The following PRIMA1 variants were observed in gnomAD, a reference collection of about 807,000 sequenced individuals.
PRIMA1 encodes proline rich membrane anchor 1.
Under a neutral mutation model 17.5 loss-of-function variants are expected in PRIMA1, and 7 were observed. That is an observed-to-expected ratio of 0.40 (90% CI 0.23 to 0.75). The LOEUF is 0.75. Among genes scored for constraint, PRIMA1 ranks in the 30% least tolerant of loss-of-function variants. The pLI is 0.37. For missense variants in PRIMA1, 200 were observed against 201.8 expected (o/e 0.99, Z 0.05); for synonymous variants, 97 against 77.9 (o/e 1.25, Z -1.29).
chr14:93,733,126 A>G (rs1191332106), intron 4 of PRIMA1, among the ~76,000 whole-genome samples: 2 of 152,190 alleles, frequency 1.3e-5, no homozygotes, highest in Non-Finnish European at 2.9e-5. Context: ...GGTCATTGAC[A>G]GCAGACTTGG....
At chr14:93,749,216 G>A (rs1362140985) in intron 3 of PRIMA1, among the ~76,000 whole-genome samples, 3 of 152,270 alleles carry the variant, frequency 2.0e-5, no homozygotes, top group Non-Finnish European at 2.9e-5. Context: ...CAGAAGGTCC[G>A]CATACTTGCC....
chr14:93,758,281 G>T (rs2076304663), intron 3 of PRIMA1, among the ~76,000 whole-genome samples: 1 of 152,060 alleles, frequency 6.6e-6, no homozygotes, highest in African/African-American at 2.4e-5. Flanking sequence ...TGACAAAAAA[G>T]TTCCAGTGAA....
At chr14:93,772,961 C>T (rs1221242398) in intron 3 of PRIMA1, among the ~76,000 whole-genome samples, 1 of 152,168 alleles carries the variant, frequency 6.6e-6, no homozygotes, top group Non-Finnish European at 1.5e-5. Flanking sequence ...GGGTTCCAGG[C>T]TCTGTGCTGT....
At chr14:93,755,973 G>A (rs1205041017) in intron 3 of PRIMA1, among the ~76,000 whole-genome samples, 2 of 152,136 alleles carry the variant, frequency 1.3e-5, no homozygotes, top group East Asian at 3.8e-4. Flanking sequence ...TCTCCCACAC[G>A]CAGCTGCCTC....
chr14:93,747,810 T>C (rs2076230721), intron 3 of PRIMA1, among the ~76,000 whole-genome samples: 1 of 142,860 alleles, frequency 7.0e-6, no homozygotes, highest in African/African-American at 2.7e-5. Flanking sequence ...GGGGACTGAG[T>C]GTGTGGGAGT....
intron 3 of PRIMA1, among the ~76,000 whole-genome samples, chr14:93,754,242 C>T (rs192675251): frequency 1.1e-4 from 17 of 152,278 alleles, no homozygotes; most frequent in African/African-American, 4.1e-4. Flanking sequence ...TGAGAACAAG[C>T]TCAACGAAGA....
At chr14:93,725,293 G>A (rs984396821) in intron 4 of PRIMA1, among the ~76,000 whole-genome samples, 5 of 152,126 alleles carry the variant, frequency 3.3e-5, no homozygotes, top group Admixed American at 1.3e-4. Context: ...GGTGGCAGCC[G>A]AGGGCTCTCC....
chr14:93,757,487 A>G (rs945439665), intron 3 of PRIMA1, among the ~76,000 whole-genome samples: 1 of 152,154 alleles, frequency 6.6e-6, no homozygotes, highest in Non-Finnish European at 1.5e-5. Flanking sequence ...AAGGACCAGA[A>G]TGTTCTCAGA....
In PRIMA1 at chr14:93,786,533, C is replaced by G. The variant is rs191155282; in HGVS notation, c.93+1093G>C. Among the ~76,000 whole-genome samples, 492 of 152,158 alleles carry G rather than the reference C, an allele frequency of 3.2e-3. 10 individuals carry two copies. Among genetic ancestry groups the G allele is most frequent in the Admixed American group, 0.032 (483 of 15,294 alleles). On this transcript the variant is annotated intron_variant, in intron 2 of 4. Transcript: ENST00000393140. The stretch of plus-strand genomic sequence containing the variant: ...CTGGCAAGTGGTCTTGCCCGCATCC[C>G]TTTTTTTCCTGGTCTGTCACCCCTA...
At chr14:93,747,491 T>C (rs2076226199) in intron 3 of PRIMA1, among the ~76,000 whole-genome samples, 1 of 151,984 alleles carries the variant, frequency 6.6e-6, no homozygotes, top group Non-Finnish European at 1.5e-5. Context: ...CGTGGAGCCA[T>C]ATCTGGGGGG....
At chr14:93,763,224 C>G (rs538523250) in intron 3 of PRIMA1, among the ~76,000 whole-genome samples, 1 of 152,210 alleles carries the variant, frequency 6.6e-6, no homozygotes, top group Non-Finnish European at 1.5e-5. Context: ...TCTGCCCCCC[C>G]AGCATTGCCC....
chr14:93,731,280 A>T (rs1337255009), intron 4 of PRIMA1, among the ~76,000 whole-genome samples: 1 of 152,200 alleles, frequency 6.6e-6, no homozygotes, highest in African/African-American at 2.4e-5. Flanking sequence ...GAAAGTAAAT[A>T]GATGGTGCTT....
chr14:93,787,833 T>C lies in PRIMA1; in HGVS notation c.-31-84A>G, dbSNP rs1885570816. 4.1e-6 allele frequency: 6 copies of C among 1,453,470 alleles called. No individual in the cohort carries two copies. In the East Asian group the frequency reaches 1.5e-4, roughly 37 times the overall value. 90.0% of individuals were successfully genotyped at this position (1,453,470 alleles called of 1,614,324 possible). On this transcript the variant is annotated intron_variant, in intron 1 of 4. Coordinates refer to ENST00000393140, the MANE Select transcript of PRIMA1 (RefSeq NM_178013.4). The stretch of plus-strand genomic sequence containing the variant: ...GCACCAATATACCTCCCAGCCCGGG[T>C]CGGACGGGCACGCCCCGCACCCAGG...
intron 3 of PRIMA1, among the ~76,000 whole-genome samples, chr14:93,747,178 G>A (rs2076223575): frequency 6.6e-6 from 1 of 152,174 alleles, no homozygotes; most frequent in Admixed American, 6.5e-5. Flanking sequence ...AGAGGAGGGT[G>A]ACAGGGGAGG....
chr14:93,734,450 C>A (rs2141158576), intron 4 of PRIMA1, among the ~76,000 whole-genome samples: 1 of 152,306 alleles, frequency 6.6e-6, no homozygotes, highest in African/African-American at 2.4e-5. Context: ...TCCTGCTAGG[C>A]GGCCCTTCTC....
At chr14:93,753,931 G>A (rs868332131) in intron 3 of PRIMA1, among the ~76,000 whole-genome samples, 9 of 152,150 alleles carry the variant, frequency 5.9e-5, no homozygotes, top group Non-Finnish European at 1.2e-4. Context: ...ACAGAGTCAC[G>A]GGCACCGTTG....
At chr14:93,756,197 C>T (rs866910411) in intron 3 of PRIMA1, among the ~76,000 whole-genome samples, 1 of 152,154 alleles carries the variant, frequency 6.6e-6, no homozygotes, top group Non-Finnish European at 1.5e-5. Context: ...AGCCACCTTG[C>T]CTGGCCTAAG....
At chr14:93,749,960 C>T (rs1466354950) in intron 3 of PRIMA1, among the ~76,000 whole-genome samples, 1 of 152,212 alleles carries the variant, frequency 6.6e-6, no homozygotes, top group African/African-American at 2.4e-5. Context: ...GCGGGCAGAT[C>T]ACCCAAGGTC....
intron 1 of PRIMA1, 25 bp from the exon 2 acceptor site, chr14:93,787,774 C>A: frequency 6.6e-7 from 1 of 1,523,140 alleles, no homozygotes; most frequent in South Asian, 1.2e-5. Context: ...AGGCTAGGGT[C>A]AGGCGGACAC....
Sources: gnomAD v4.1 joint callset for allele counts (sites outside exome capture counted in the v4.1 genomes callset) on GRCh38, gnomAD v4.1.1 for gene constraint, MANE v1.5 for transcripts, NCBI Gene and HGNC (gene_info 2026-07-23, HGNC 2026-07-21) for gene names.